Variants in PAFAH1B3 observed in about 807,000 individuals in gnomAD.
PAFAH1B3 encodes platelet activating factor acetylhydrolase 1b catalytic subunit 3, also known as platelet-activating factor acetylhydrolase IB subunit alpha1.
PAFAH1B3 carries 15 observed loss-of-function variants against 24.4 expected under a neutral mutation model. That is an observed-to-expected ratio of 0.62 (90% CI 0.41 to 0.95). The LOEUF is 0.95. PAFAH1B3 is among the 40% of genes least tolerant of loss of function. The pLI is 0.00. For synonymous variants in PAFAH1B3, 144 were observed against 126.5 expected, an observed-to-expected ratio of 1.14 and a Z score of -0.93; for missense variants, 266 against 312.2, an observed-to-expected ratio of 0.85 and a Z score of 1.12.
Position 42,297,207 on chromosome 19 carries a change from G to A in PAFAH1B3, c.567C>T (p.Asp189=), listed in dbSNP as rs749313761. 4 of 1,614,036 alleles carry A rather than the reference G, an allele frequency of 2.5e-6. No individual in the cohort carries two copies. The highest frequency in any genetic ancestry group is 2.7e-5 in the African/African-American group (2 of 74,924). The change falls in exon 5 of 5, where the codon GAC becomes GAT. Residue 189 remains aspartate (D), a synonymous_variant. Transcript: ENST00000262890. ...GGCTCAGATGCAGGTAATCATACAT[G>A]TCATGATGGCTGATGGTGCCATCTG... ...VHSDGTISHH[D]MYDYLHLSRL...
In PAFAH1B3 at chr19:42,301,982, C is replaced by T. The variant is rs868688330; in HGVS notation, c.136G>A (p.Asp46Asn). The T allele has an allele frequency of 1.3e-6, 2 of 1,567,022 alleles. No individual in the cohort carries two copies. The highest frequency in any genetic ancestry group is 1.9e-5 in the Admixed American group (1 of 52,900). Residue 46 changes from aspartate (D) to asparagine (N), a missense_variant, in exon 2 of 5, where the codon GAC (aspartate) becomes AAC (asparagine). Coordinates refer to ENST00000262890, the MANE Select transcript of PAFAH1B3 (RefSeq NM_002573.4). ...TGGTGCATGAGCTGGACCAAGGAGT[C>T]CCCGATGAAGACGACTTCGGGTTCC... is the stretch of plus-strand genomic sequence containing the variant. ...DKEPEVVFIG[D>N]SLVQLMHQCE...
rs117750674 is a variant in PAFAH1B3 at position 42,297,409 on chromosome 19, T to C, written c.409-44A>G. 1,880 of 1,558,804 alleles carry C rather than the reference T, an allele frequency of 1.2e-3. 3 individuals are homozygous for C. Among genetic ancestry groups the C allele is most frequent in the Non-Finnish European group, 1.5e-3 (1,719 of 1,143,292 alleles). ...CGTAGTAAGGAAACAAGCATTTGAGTATCTTGTTCTCTGTGCCAACCTGTC... is the reference window on the plus strand; with the variant it reads ...CGTAGTAAGGAAACAAGCATTTGAGCATCTTGTTCTCTGTGCCAACCTGTC... On this transcript the variant is annotated intron_variant, in intron 4 of 4. Coordinates refer to ENST00000262890, the MANE Select transcript of PAFAH1B3 (RefSeq NM_002573.4).
chr19:42,299,549 C>T (rs2038585636), intron 4 of PAFAH1B3, among the ~76,000 whole-genome samples: 1 of 152,100 alleles, frequency 6.6e-6, no homozygotes, highest in African/African-American at 2.4e-5. Context: ...CTCAGCCTGC[C>T]AAGTTAGCTG....
chr19:42,302,292 G>C lies in PAFAH1B3; in HGVS notation c.18C>G (p.Asn6Lys). ...GCACCGGCGTGGGCTTGCTGGCTGGGTTCTCCTCTCCACTCATCTTGGCGC... is the reference window on the plus strand; with the variant it reads ...GCACCGGCGTGGGCTTGCTGGCTGGCTTCTCCTCTCCACTCATCTTGGCGC... MSGEE[N>K]PASKPTPVQD... The change falls in exon 1 of 5, where the codon AAC (asparagine) becomes AAG (lysine). Residue 6 changes from asparagine to lysine, a missense_variant. Asn to Lys is a moderately conservative substitution (Grantham distance 94, BLOSUM62 0). Transcript: ENST00000262890. The C allele has an allele frequency of 6.2e-7, 1 of 1,606,008 alleles. No individual in the cohort carries two copies.
Position 42,302,212 on chromosome 19 carries a change from T to C in PAFAH1B3, c.78+20A>G. On this transcript the variant is annotated intron_variant, in intron 1 of 4. Transcript: ENST00000262890. ...CCCCGCGCCCCCGGACTCCTCAATA[T>C]CCCAGGTGGGAACGCTCACCAGGGA... 1.3e-6 allele frequency: 2 copies of C among 1,576,714 alleles called. No homozygotes were observed. Among genetic ancestry groups the C allele is most frequent in the African/African-American group, 1.3e-5 (1 of 74,152 alleles).
intron 4 of PAFAH1B3, 66 bp downstream of exon 4, chr19:42,299,904 G>A (rs2038591151): frequency 1.9e-6 from 3 of 1,599,854 alleles, no homozygotes; most frequent in Non-Finnish European, 1.7e-6. Flanking sequence ...TGTGCCAACT[G>A]TGGCTATATC....
At chr19:42,298,753 T>G (rs1214471234) in intron 4 of PAFAH1B3, among the ~76,000 whole-genome samples, 1 of 152,150 alleles carries the variant, frequency 6.6e-6, no homozygotes, top group Non-Finnish European at 1.5e-5. Context: ...GCTCAAGTGA[T>G]CCTTCTCCTT....
Position 42,297,330 on chromosome 19 carries a change from A to T in PAFAH1B3, c.444T>A (p.Leu148=), listed in dbSNP as rs1294046201. Residue 148 remains leucine (L), a synonymous_variant, in exon 5 of 5, where the codon CTT becomes CTA. Coordinates refer to ENST00000262890, the MANE Select transcript of PAFAH1B3 (RefSeq NM_002573.4). ...LLPRGQHPNP[L]REKNRQVNEL... ...CGTTCACCTGTCGGTTCTTCTCCCGAAGTGGGTTGGGATGTTGGCCTCGCG... is the reference window on the plus strand; with the variant it reads ...CGTTCACCTGTCGGTTCTTCTCCCGTAGTGGGTTGGGATGTTGGCCTCGCG... The T allele has an allele frequency of 1.9e-6, 3 of 1,612,860 alleles. No homozygotes were observed. In the Admixed American group the frequency reaches 5.0e-5, roughly 27 times the overall value.
At chr19:42,302,114 G>A (rs777574471) in intron 1 of PAFAH1B3, 75 bp from the exon 2 acceptor site, 3 of 1,497,712 alleles carry the variant, frequency 2.0e-6, no homozygotes, top group South Asian at 1.2e-5. Context: ...CTTAGGCAGC[G>A]CCTCCTCAAC....
Position 42,298,148 on chromosome 19 carries a change from G to A in PAFAH1B3, c.409-783C>T, listed in dbSNP as rs1031832556. 7.9e-5 allele frequency among the ~76,000 whole-genome samples: 12 copies of A among 152,172 alleles called. No individual in the cohort carries two copies. In the East Asian group the frequency reaches 1.9e-3, roughly 25 times the overall value. On this transcript the variant is annotated intron_variant, in intron 4 of 4. Coordinates refer to ENST00000262890, the MANE Select transcript of PAFAH1B3 (RefSeq NM_002573.4). ...GGAAGCAGAAGTTGCAGTGAGCTGA[G>A]ATCATGCCACCGCACTCCAGCCTGG...
intron 4 of PAFAH1B3, among the ~76,000 whole-genome samples, chr19:42,298,547 C>T (rs2038571896): frequency 6.6e-6 from 1 of 152,180 alleles, no homozygotes; most frequent in South Asian, 2.1e-4. Context: ...GGGATCAATC[C>T]GTTTTCAGAA....
rs2038634916 is a variant in PAFAH1B3, at chr19:42,301,932, G to A, written c.168+18C>T. 6.5e-7 allele frequency: 1 copy of A among 1,542,590 alleles called. No individual in the cohort carries two copies. ...GACACAGGGCTGGATGGGGCAGGGG[G>A]AGAGGGACTGCCCTCACCTCGCACT... On this transcript the variant is annotated intron_variant, in intron 2 of 4. Transcript: ENST00000262890.
chr19:42,298,530 A>G (rs1392058782), intron 4 of PAFAH1B3, among the ~76,000 whole-genome samples: 1 of 152,204 alleles, frequency 6.6e-6, no homozygotes, highest in Non-Finnish European at 1.5e-5. Flanking sequence ...ATCATGGCTC[A>G]TGCCAAGGGA....
chr19:42,299,729 G>A (rs974344932), intron 4 of PAFAH1B3, among the ~76,000 whole-genome samples: 3 of 152,056 alleles, frequency 2.0e-5, no homozygotes, highest in African/African-American at 4.8e-5. Context: ...TGCCTGGCCC[G>A]TTTTTTAGTT....
rs2038543141 is a variant in PAFAH1B3 at position 42,297,347 on chromosome 19, G to C, written c.427C>G (p.Gln143Glu). 2 of 1,608,218 alleles carry C rather than the reference G, an allele frequency of 1.2e-6. No individual in the cohort carries two copies. Among genetic ancestry groups the C allele is most frequent in the East Asian group, 4.5e-5 (2 of 44,658 alleles). Residue 143 changes from glutamine to glutamate, a missense_variant, in exon 5 of 5, where the codon CAA becomes GAA. By Grantham distance (29) the Gln-to-Glu change is conservative. Coordinates refer to ENST00000262890, the MANE Select transcript of PAFAH1B3 (RefSeq NM_002573.4). The stretch of plus-strand genomic sequence containing the variant: ...TTCTCCCGAAGTGGGTTGGGATGTT[G>C]GCCTCGCGGAAGCAGGCCCTGAGCA... ...VVVLGLLPRG[Q>E]HPNPLREKNR...
At position 42,297,060 on chromosome 19, in the gene PAFAH1B3, G is replaced by A. The variant is rs372405011; in HGVS notation, c.*18C>T. On this transcript the variant is annotated 3_prime_UTR_variant, in exon 5 of 5. Transcript: ENST00000262890. ...CTGAGGAAGGAGAGTTTAATGTTGT[G>A]GGAAGGCAGCAGGATGCTTAGGGTG... The A allele has an allele frequency of 6.9e-6, 11 of 1,591,752 alleles. No individual in the cohort carries two copies. The African/African-American group carries it at 1.5e-4, about 21-fold the overall frequency.
intron 4 of PAFAH1B3, 29 bp downstream of exon 4, chr19:42,299,941 C>T: frequency 1.2e-6 from 2 of 1,612,798 alleles, no homozygotes; most frequent in Middle Eastern, 3.7e-4. Flanking sequence ...CACTGCCATT[C>T]TTCCTTTCCC....
intron 2 of PAFAH1B3, among the ~76,000 whole-genome samples, chr19:42,301,262 G>C (rs529280124): frequency 2.6e-5 from 4 of 152,146 alleles, no homozygotes; most frequent in Non-Finnish European, 5.9e-5. Context: ...CAGGTGCATG[G>C]TGATGTGCAC....
At chr19:42,299,806 C>T in intron 4 of PAFAH1B3, 164 bp downstream of exon 4, 1 of 898,440 alleles carries the variant, frequency 1.1e-6, no homozygotes, top group Non-Finnish European at 1.7e-6. Flanking sequence ...GGAGCATATT[C>T]TCAACCACAG....
Sources: allele counts gnomAD v4.1 joint callset (sites outside exome capture counted in the v4.1 genomes callset), GRCh38; gene constraint gnomAD v4.1.1; transcripts MANE v1.5; gene names NCBI Gene and HGNC (gene_info 2026-07-23, HGNC 2026-07-21).